PIK3C2G: variants seen among roughly 807,000 people sequenced by gnomAD.
The protein encoded by PIK3C2G is phosphatidylinositol 3-kinase C2 domain-containing subunit gamma.
In PIK3C2G, 168 loss-of-function variants were observed where a neutral mutation model predicts 181.1. That is an observed-to-expected ratio of 0.93 (90% CI 0.82 to 1.05). The LOEUF (loss-of-function observed/expected upper bound fraction) is 1.05. Among genes scored for constraint, PIK3C2G ranks in the 50% least tolerant of loss-of-function variants. The pLI, the probability that PIK3C2G is intolerant of heterozygous loss-of-function variation, is 0.00. For missense variants in PIK3C2G, 1,869 were observed against 1,732.8 expected (o/e 1.08, Z -1.40); for synonymous variants, 573 against 592.2 (o/e 0.97, Z 0.47).
intron 29 of PIK3C2G, among the ~76,000 whole-genome samples, chr12:18,583,006 TAG>T (rs888869541): frequency 2.0e-5 from 3 of 152,028 alleles, no homozygotes. Context: ...TTTCAGGTGC[TAG>T]AGAGTCCGGG....
chr12:18,699,514 A>C, the PIK3C2G span, among the ~76,000 whole-genome samples: 1 of 152,018 alleles, frequency 6.6e-6, no homozygotes, highest in African/African-American at 2.4e-5. Flanking sequence ...CTGCTCTCCT[A>C]TACAAGCTGC....
At chr12:18,416,663 C>T (rs1945197527) in intron 16 of PIK3C2G, among the ~76,000 whole-genome samples, 1 of 152,156 alleles carries the variant, frequency 6.6e-6, no homozygotes, top group African/African-American at 2.4e-5. Flanking sequence ...TGGATGACAG[C>T]ACATCTGTTT....
chr12:18,580,150 G>A (rs1245082360), intron 29 of PIK3C2G, among the ~76,000 whole-genome samples: 8 of 146,028 alleles, frequency 5.5e-5, no homozygotes, highest in Non-Finnish European at 7.8e-5. Context: ...AAAAAAGAGA[G>A]AGAGAGAGTA....
At chr12:18,247,268 A>C, upstream of PIK3C2G, among the ~76,000 whole-genome samples, 1 of 152,200 alleles carries the variant, frequency 6.6e-6, no homozygotes, top group Non-Finnish European at 1.5e-5. Context: ...AGATGTGTGG[A>C]CATCTCTACT....
At chr12:18,428,610 TATGA>T (rs1945973888) in intron 18 of PIK3C2G, among the ~76,000 whole-genome samples, 2 of 152,172 alleles carry the variant, frequency 1.3e-5, no homozygotes, top group African/African-American at 4.8e-5. Flanking sequence ...GATACTGAGC[TATGA>T]ATAAGTAAGA....
At chr12:18,578,367 G>A (rs1946334655) in intron 29 of PIK3C2G, among the ~76,000 whole-genome samples, 1 of 152,028 alleles carries the variant, frequency 6.6e-6, no homozygotes, top group South Asian at 2.1e-4. Flanking sequence ...CATTATATGA[G>A]TTATATTGTG....
intron 31 of PIK3C2G, among the ~76,000 whole-genome samples, chr12:18,626,068 G>A (rs572826649): frequency 1.0e-4 from 15 of 150,482 alleles, no homozygotes; most frequent in Non-Finnish European, 1.9e-4. Context: ...GTTACTAACT[G>A]TATTGTTTTA....
At chr12:18,693,685 A>G in the PIK3C2G span, 3 of 1,566,988 alleles carry the variant, frequency 1.9e-6, no homozygotes, top group Admixed American at 1.7e-5. Context: ...GTGGTGAGAG[A>G]GAAATTCAGC....
chr12:18,491,963 C>A (rs1403816161), intron 20 of PIK3C2G, among the ~76,000 whole-genome samples: 1 of 152,120 alleles, frequency 6.6e-6, no homozygotes, highest in Admixed American at 6.5e-5. Context: ...TCATTAGCTA[C>A]AACATTTCTA....
chr12:18,725,701 C>T, the PIK3C2G span, among the ~76,000 whole-genome samples: 1 of 152,268 alleles, frequency 6.6e-6, no homozygotes, highest in African/African-American at 2.4e-5. Context: ...CCACCTCACA[C>T]TTCAGGTGCT....
intron 14 of PIK3C2G, among the ~76,000 whole-genome samples, chr12:18,388,622 T>C (rs1174306808): frequency 6.6e-6 from 1 of 152,172 alleles, no homozygotes; most frequent in East Asian, 1.9e-4. Context: ...TGGAAGTTCT[T>C]TGAATAATCT....
rs114477029 is a variant in PIK3C2G, at chr12:18,582,723, G to A, written c.4012-11771G>A. 8.8e-3 allele frequency among the ~76,000 whole-genome samples: 1,345 copies of A among 152,184 alleles called. 18 individuals are homozygous for A. Among genetic ancestry groups the A allele is most frequent in the African/African-American group, 0.031 (1,286 of 41,522 alleles). Reference sequence around the variant, plus strand: ...CCTGAGACAGAGCTCCCAGAGGGAGGGGTGGGCTGCCATCTTTGCTGTTTT... The same window carrying A: ...CCTGAGACAGAGCTCCCAGAGGGAGAGGTGGGCTGCCATCTTTGCTGTTTT... On this transcript the variant is annotated intron_variant, in intron 29 of 32. Coordinates refer to ENST00000538779, the MANE Select transcript of PIK3C2G (RefSeq NM_001288772.2).
intron 18 of PIK3C2G, among the ~76,000 whole-genome samples, chr12:18,447,462 A>G (rs1947088916): frequency 6.6e-6 from 1 of 152,148 alleles, no homozygotes; most frequent in Admixed American, 6.6e-5. Context: ...CTTTCTTGTG[A>G]TGTCTAGTGG....
chr12:18,416,943 T>G (rs889854898), intron 16 of PIK3C2G, among the ~76,000 whole-genome samples: 1 of 152,176 alleles, frequency 6.6e-6, no homozygotes, highest in African/African-American at 2.4e-5. Flanking sequence ...CAGTGATTCC[T>G]TGGATGGATC....
At chr12:18,287,338 G>C (rs1252384756) in intron 3 of PIK3C2G, among the ~76,000 whole-genome samples, 1 of 151,928 alleles carries the variant, frequency 6.6e-6, no homozygotes, top group Non-Finnish European at 1.5e-5. Flanking sequence ...ATCTTATCTT[G>C]AGTGGATTGG....
intron 30 of PIK3C2G, among the ~76,000 whole-genome samples, chr12:18,597,278 C>T (rs1242731818): frequency 6.6e-6 from 1 of 151,676 alleles, no homozygotes. Context: ...TCTTTATCCA[C>T]TTATGAAACA....
At chr12:18,259,847 A>T (rs1948190587), upstream of PIK3C2G, among the ~76,000 whole-genome samples, 1 of 152,132 alleles carries the variant, frequency 6.6e-6, no homozygotes. Flanking sequence ...GACTACTACC[A>T]GGTAAGACAG....
At chr12:18,629,768 C>G (rs935620) in intron 31 of PIK3C2G, among the ~76,000 whole-genome samples, 11,911 of 152,092 alleles carry the variant, frequency 0.078, 641 homozygotes, top group Non-Finnish European at 0.12. Context: ...CAGAGACATG[C>G]CTTCAGATGG....
At chr12:18,353,959 T>C (rs2137723892) in intron 11 of PIK3C2G, among the ~76,000 whole-genome samples, 1 of 152,272 alleles carries the variant, frequency 6.6e-6, no homozygotes, top group East Asian at 1.9e-4. Context: ...ATCTCATCAT[T>C]GAGATCCATT....
Sources: gnomAD v4.1 joint callset for allele counts (sites outside exome capture counted in the v4.1 genomes callset) on GRCh38, gnomAD v4.1.1 for gene constraint, MANE v1.5 for transcripts, NCBI Gene and HGNC (gene_info 2026-07-23, HGNC 2026-07-21) for gene names.